UNG: variants seen among roughly 807,000 people sequenced by gnomAD.
UNG encodes uracil DNA glycosylase.
Under a neutral mutation model 36.5 loss-of-function variants are expected in UNG, and 34 were observed. That is an observed-to-expected ratio of 0.93 (90% CI 0.71 to 1.24). UNG has a LOEUF of 1.24. Among genes scored for constraint, UNG ranks in the 50% most tolerant of loss-of-function variants. UNG has a pLI of 0.00. For synonymous variants in UNG, 172 were observed against 157.8 expected (o/e 1.09, Z -0.67); for missense variants, 391 against 397.6 (o/e 0.98, Z 0.14).
intron 6 of UNG, among the ~76,000 whole-genome samples, chr12:109,107,350 G>A (rs575172537): frequency 2.0e-5 from 3 of 151,754 alleles, no homozygotes; most frequent in Non-Finnish European, 2.9e-5. Context: ...ACAGGCGTGC[G>A]CCACCACACC....
At chr12:109,103,300 T>A (rs544707880) in intron 5 of UNG, 133 bp from the exon 6 acceptor site, 2 of 873,358 alleles carry the variant, frequency 2.3e-6, no homozygotes, top group Middle Eastern at 3.0e-4. Context: ...TTATGCCGGC[T>A]GCAGCAGGGA....
Position 109,097,606 on chromosome 12 carries a change from C to T in UNG, c.-74C>T. 1.3e-6 allele frequency: 2 copies of T among 1,561,408 alleles called. No homozygotes were observed. The highest frequency in any genetic ancestry group is 8.7e-7 in the Non-Finnish European group (1 of 1,152,622). On this transcript the variant is annotated 5_prime_UTR_variant, in exon 1 of 7. Coordinates refer to ENST00000242576, the MANE Select transcript of UNG (RefSeq NM_080911.3). ...CGGGCCGCTTGGCGCCAATTGCTGA[C>T]CGCCACAGCCACAGCCAGGGCTAGC...
intron 3 of UNG, among the ~76,000 whole-genome samples, chr12:109,099,697 T>C (rs958552103): frequency 2.0e-5 from 3 of 152,158 alleles, no homozygotes; most frequent in African/African-American, 4.8e-5. Flanking sequence ...GCCTGAACAG[T>C]TTTGTGGTTC....
At chr12:109,106,931 A>ATGTG (rs2042222111) in intron 6 of UNG, among the ~76,000 whole-genome samples, 4 of 97,468 alleles carry the variant, frequency 4.1e-5, no homozygotes, top group South Asian at 3.7e-4. Flanking sequence ...ATATATATAT[A>ATGTG]TATAAAAAAT....
Position 109,097,739 on chromosome 12 carries a change from C to G in UNG, c.60C>G (p.His20Gln), listed in dbSNP as rs770972381. Reference protein sequence around the residue: ...FFSPSPARKRHAPSPEPAVQG... With the variant: ...FFSPSPARKRQAPSPEPAVQG... The stretch of plus-strand genomic sequence containing the variant: ...CCCCCAGCCCCGCCAGGAAGCGACA[C>G]GCCCCCAGCCCCGAGCCGGCCGTCC... Residue 20 changes from histidine (H) to glutamine (Q), a missense_variant, in exon 1 of 7, where the codon CAC becomes CAG. Physicochemically the swap from His to Gln is conservative, Grantham distance 24 (BLOSUM62 0). Transcript: ENST00000242576. 1 of 1,581,012 alleles carries G rather than the reference C, an allele frequency of 6.3e-7. No individual in the cohort carries two copies. Among genetic ancestry groups the G allele is most frequent in the Admixed American group, 1.8e-5 (1 of 55,532 alleles).
At position 109,098,755 on chromosome 12, in the gene UNG, A is replaced by G. The variant is rs200126048; in HGVS notation, c.339+117A>G. ...GTAGGCTTAGGTTGTACCCCCTTCA[A>G]CCTCCTTTACTCACAAAGGGGGTAA... On this transcript the variant is annotated intron_variant, in intron 2 of 6. Transcript: ENST00000242576. The G allele has an allele frequency of 6.3e-5, 83 of 1,313,982 alleles. No homozygotes were observed. The East Asian group carries it at 1.9e-3, about 30-fold the overall frequency. 81.4% of individuals were successfully genotyped at this position (1,313,982 alleles called of 1,614,324 possible). A position where few individuals can be genotyped will look rare whatever the true frequency, so the allele number is the denominator to read the frequency against.
chr12:109,108,815 A>G (rs1362449032), intron 6 of UNG, among the ~76,000 whole-genome samples: 2 of 152,100 alleles, frequency 1.3e-5, no homozygotes, highest in East Asian at 3.9e-4. Flanking sequence ...ATTTTTTTGT[A>G]GAGATGGGGT....
chr12:109,097,656 G>T lies in UNG; in HGVS notation c.-24G>T. ...CCTCGCCGGTTCCCGGGTGGCGCGC[G>T]TTCGCTGCCTCCTCAGCTCCAGGAT... On this transcript the variant is annotated 5_prime_UTR_variant, in exon 1 of 7. Transcript: ENST00000242576. The T allele has an allele frequency of 6.2e-7, 1 of 1,601,474 alleles. No individual in the cohort carries two copies. Among genetic ancestry groups the T allele is most frequent in the Non-Finnish European group, 8.5e-7 (1 of 1,173,990 alleles).
chr12:109,106,905 G>A (rs1307539741), intron 6 of UNG, among the ~76,000 whole-genome samples: 1 of 44,750 alleles, frequency 2.2e-5, no homozygotes, highest in Non-Finnish European at 3.6e-5. Flanking sequence ...ATATATATAC[G>A]TATATATATA....
In UNG at chr12:109,101,758, C is replaced by A. The variant is rs147467825; in HGVS notation, c.436-144C>A. 1,053 of 720,928 alleles carry A rather than the reference C, an allele frequency of 1.5e-3. 2 individuals are homozygous for A. Among genetic ancestry groups the A allele is most frequent in the Non-Finnish European group, 1.8e-3 (713 of 403,188 alleles). 44.7% of individuals were successfully genotyped at this position (720,928 alleles called of 1,614,324 possible). Reference sequence around the variant, plus strand: ...TACATATCTTTACAAGTTTAAAATACGCTTAGCCTTTGACCAGCAACTCTG... The same window carrying A: ...TACATATCTTTACAAGTTTAAAATAAGCTTAGCCTTTGACCAGCAACTCTG... On this transcript the variant is annotated intron_variant, in intron 3 of 6. Coordinates refer to ENST00000242576, the MANE Select transcript of UNG (RefSeq NM_080911.3).
At chr12:109,099,053 T>C (rs963198871) in intron 2 of UNG, 136 bp from the exon 3 acceptor site, 7 of 933,316 alleles carry the variant, frequency 7.5e-6, no homozygotes, top group Non-Finnish European at 1.2e-5. Context: ...TTGTTTGTTG[T>C]TTTTTAAAAG....
In UNG at chr12:109,110,050, T is replaced by A. The variant is rs919637208; in HGVS notation, c.*81T>A. On this transcript the variant is annotated 3_prime_UTR_variant, in exon 7 of 7. Coordinates refer to ENST00000242576, the MANE Select transcript of UNG (RefSeq NM_080911.3). ...GAAGTTCCACTGAAAATTTTCCTAT[T>A]AATTCTTAAGTACTCTGCATAAGGG... 1 of 1,598,804 alleles carries A rather than the reference T, an allele frequency of 6.3e-7. No homozygotes were observed. The highest frequency in any genetic ancestry group is 8.5e-7 in the Non-Finnish European group (1 of 1,170,724).
At chr12:109,109,076 G>A (rs1379905393) in intron 6 of UNG, among the ~76,000 whole-genome samples, 1 of 152,218 alleles carries the variant, frequency 6.6e-6, no homozygotes, top group African/African-American at 2.4e-5. Context: ...GTTAAGCTAT[G>A]ATGTTCAGCA....
At chr12:109,106,166 GC>G (rs1178674927) in intron 6 of UNG, among the ~76,000 whole-genome samples, 1 of 152,160 alleles carries the variant, frequency 6.6e-6, no homozygotes, top group Non-Finnish European at 1.5e-5. Flanking sequence ...ATCACACTCA[GC>G]CCCTGTGATC....
chr12:109,104,307 C>G (rs2042201195), intron 6 of UNG, among the ~76,000 whole-genome samples: 1 of 152,082 alleles, frequency 6.6e-6, no homozygotes, highest in Non-Finnish European at 1.5e-5. Flanking sequence ...CCTCAACCTC[C>G]AAAGTGCTAG....
chr12:109,105,651 C>G (rs1429842773), intron 6 of UNG, among the ~76,000 whole-genome samples: 1 of 152,204 alleles, frequency 6.6e-6, no homozygotes, highest in Non-Finnish European at 1.5e-5. Flanking sequence ...CAAAAAGCAC[C>G]ATCATCTGCC....
chr12:109,101,792 A>G (rs2042179961), intron 3 of UNG, 110 bp from the exon 4 acceptor site: 1 of 896,506 alleles, frequency 1.1e-6, no homozygotes, highest in Non-Finnish European at 1.8e-6. Flanking sequence ...TGCTATTAGC[A>G]ATCTATGCCA....
chr12:109,099,413 G>T, intron 3 of UNG, 129 bp downstream of exon 3: 1 of 816,772 alleles, frequency 1.2e-6, no homozygotes. Flanking sequence ...CCCGAGGTTT[G>T]GCTGACTGTA....
At chr12:109,102,386 G>A (rs986704554) in intron 4 of UNG, among the ~76,000 whole-genome samples, 3 of 152,112 alleles carry the variant, frequency 2.0e-5, no homozygotes, top group African/African-American at 7.2e-5. Context: ...GCTGAGGCAG[G>A]AGAATCGCTG....
Sources: allele counts gnomAD v4.1 joint callset (sites outside exome capture counted in the v4.1 genomes callset), GRCh38; gene constraint gnomAD v4.1.1; transcripts MANE v1.5; gene names NCBI Gene and HGNC (gene_info 2026-07-23, HGNC 2026-07-21).